Variants in DGKA observed in about 807,000 individuals in gnomAD.
The protein encoded by DGKA is 80 kDa diacylglycerol kinase.
DGKA carries 35 observed loss-of-function variants against 105.0 expected under a neutral mutation model. The ratio of observed to expected loss-of-function variants is 0.33; its 90% CI spans 0.25 to 0.44. The LOEUF is 0.44. Among genes scored for constraint, DGKA ranks in the 20% least tolerant of loss-of-function variants. The probability of loss-of-function intolerance (pLI) is 1.00; values close to 1 mark genes in which losing one functional copy is unlikely to be tolerated. For synonymous variants in DGKA, 296 were observed against 332.0 expected (o/e 0.89, Z 1.18); for missense variants, 665 against 915.0 (o/e 0.73, Z 3.53).
intron 17 of DGKA, among the ~76,000 whole-genome samples, chr12:55,949,144 T>C (rs1887636599): frequency 6.6e-6 from 1 of 152,086 alleles, no homozygotes; most frequent in African/African-American, 2.4e-5. Flanking sequence ...CTATTTACAG[T>C]CATTTTTCTG....
In DGKA at chr12:55,941,535, T is replaced by C. The variant is rs1330979323; in HGVS notation, c.1201T>C (p.Leu401=). Residue 401 remains leucine (L), a synonymous_variant, in exon 15 of 24, where the codon TTA becomes CTA. Coordinates refer to ENST00000331886, the MANE Select transcript of DGKA (RefSeq NM_001345.5). ...QRVLWKFQYI[L]NPRQVFNLLK... is the part of the protein sequence containing the mutation. ...GGTGCTCTGGAAGTTCCAGTATATATTAAACCCTCGACAGGTGTTCAACCT... is the reference window on the plus strand; with the variant it reads ...GGTGCTCTGGAAGTTCCAGTATATACTAAACCCTCGACAGGTGTTCAACCT... 1.2e-6 allele frequency: 2 copies of C among 1,614,048 alleles called. No individual in the cohort carries two copies. The highest frequency in any genetic ancestry group is 1.7e-5 in the Admixed American group (1 of 59,998).
rs1306530192 is a variant in DGKA, at chr12:55,937,516, T to C, written c.247T>C (p.Cys83Arg). The C allele has an allele frequency of 6.2e-7, 1 of 1,614,204 alleles. No homozygotes were observed. Among genetic ancestry groups the C allele is most frequent in the Admixed American group, 1.7e-5 (1 of 60,024 alleles). The change falls in exon 4 of 24, where the codon TGC becomes CGC. Residue 83 changes from cysteine to arginine, a missense_variant. By Grantham distance (180) the Cys-to-Arg change is radical (BLOSUM62 -3). Around this residue, in one of 3 missense-constraint regions of DGKA, gnomAD observed 504 missense variants for 681.2 expected, o/e 0.74. Coordinates refer to ENST00000331886, the MANE Select transcript of DGKA (RefSeq NM_001345.5). ...ALFQSFETGH[C>R]LNETNVTKDV... ...GTTTCAATCCTTTGAGACTGGTCAC[T>C]GCTTAAATGAGACAAATGTGACAAA...
In DGKA at chr12:55,940,566, A is replaced by G. The variant is rs1885707220; in HGVS notation, c.919-58A>G. On this transcript the variant is annotated intron_variant, in intron 11 of 23. Transcript: ENST00000331886. This position sits in a 1 kb window ranked among gnomAD's most constrained non-coding sequence, Gnocchi z 4.3. ...AGGGCTCTTTCCAGCCCAGACTGCC[A>G]GGTTGAGAGGAGACAGGGTTACCTT... 3.2e-6 allele frequency: 5 copies of G among 1,555,072 alleles called. No homozygotes were observed. Among genetic ancestry groups the G allele is most frequent in the Non-Finnish European group, 4.3e-6 (5 of 1,151,450 alleles).
At chr12:55,949,920 C>A (rs1005551840) in intron 17 of DGKA, among the ~76,000 whole-genome samples, 2 of 152,038 alleles carry the variant, frequency 1.3e-5, no homozygotes, top group Admixed American at 1.3e-4. Context: ...TAGGCTCATG[C>A]AATCCTCCCA....
At chr12:55,939,710 G>GT in intron 9 of DGKA, 181 bp downstream of exon 9, 1 of 638,372 alleles carries the variant, frequency 1.6e-6, no homozygotes, top group Non-Finnish European at 2.7e-6. Context: ...TGAAAATGAG[G>GT]TAATTGTGAG....
upstream of DGKA, chr12:55,927,854 G>C: frequency 6.8e-7 from 1 of 1,477,982 alleles, no homozygotes; most frequent in South Asian, 1.3e-5. Context: ...GAAGTGATGA[G>C]GGCCCTAGTT....
rs765799428 is a variant in DGKA at position 55,940,037 on chromosome 12, G to A, written c.710-45G>A. On this transcript the variant is annotated intron_variant, in intron 9 of 23. Transcript: ENST00000331886. The surrounding 1 kb of genome is among the most constrained non-coding windows in gnomAD (Gnocchi z 4.3). Reference sequence around the variant, plus strand: ...CACCCTCAGGTAAGAAGGAAATAGGGGGAGAGGCTCAGCTAAGCCTCCCAA... The same window carrying A: ...CACCCTCAGGTAAGAAGGAAATAGGAGGAGAGGCTCAGCTAAGCCTCCCAA... 1.1e-5 allele frequency: 17 copies of A among 1,510,698 alleles called. No homozygotes were observed. The highest frequency in any genetic ancestry group is 1.5e-5 in the Non-Finnish European group (16 of 1,086,526). 93.6% of individuals were successfully genotyped at this position (1,510,698 alleles called of 1,614,324 possible).
intron 17 of DGKA, among the ~76,000 whole-genome samples, chr12:55,944,407 G>A (rs951282329): frequency 6.6e-6 from 1 of 152,246 alleles, no homozygotes; most frequent in African/African-American, 2.4e-5. Context: ...GATCGAGGCT[G>A]TAGTGAGCCA....
Position 55,940,495 on chromosome 12 carries a change from G to A in DGKA, c.918+62G>A, listed in dbSNP as rs369066057. ...CCCCGCAGAGCTGCCTTCTCCACGG[G>A]CCTCCGGCCACACCTCCTTTACAGG... is the stretch of plus-strand genomic sequence containing the variant. On this transcript the variant is annotated intron_variant, in intron 11 of 23. Transcript: ENST00000331886. This position sits in a 1 kb window ranked among gnomAD's most constrained non-coding sequence, Gnocchi z 4.3. 9.4e-6 allele frequency: 15 copies of A among 1,598,496 alleles called. No individual in the cohort carries two copies. The African/African-American group carries it at 1.7e-4, about 19-fold the overall frequency.
chr12:55,927,657 C>T, upstream of DGKA: 4 of 1,526,708 alleles, frequency 2.6e-6, no homozygotes, highest in Non-Finnish European at 3.5e-6. Context: ...TGCTGTCGGC[C>T]AACCCACTCA....
intron 3 of DGKA, 57 bp downstream of exon 3, chr12:55,937,147 AT>A: frequency 1.3e-6 from 2 of 1,582,592 alleles, no homozygotes. Context: ...TTTGTTTTTG[AT>A]CCCCAACTTC....
At position 55,952,447 on chromosome 12, in the gene DGKA, C is replaced by T. The variant is rs377398010; in HGVS notation, c.1743+16C>T. 188 of 1,610,330 alleles carry T rather than the reference C, an allele frequency of 1.2e-4. No homozygotes were observed. The highest frequency in any genetic ancestry group is 4.0e-4 in the Admixed American group (24 of 59,984). On this transcript the variant is annotated intron_variant, in intron 20 of 23. Coordinates refer to ENST00000331886, the MANE Select transcript of DGKA (RefSeq NM_001345.5). This position sits in a 1 kb window ranked among gnomAD's most constrained non-coding sequence, Gnocchi z 5.1. ...GACAGTTGAGGTGTGTGTAATAAGA[C>T]TTAACCCTACATCCTTTTCAGCTTC...
chr12:55,941,528 G>C lies in DGKA; in HGVS notation c.1194G>C (p.Gln398His). The change falls in exon 15 of 24, where the codon CAG (glutamine) becomes CAC (histidine). Residue 398 changes from glutamine (Q) to histidine (H), a missense_variant. Coordinates refer to ENST00000331886, the MANE Select transcript of DGKA (RefSeq NM_001345.5). The part of the protein sequence containing the change: ...KQGQRVLWKF[Q>H]YILNPRQVFN... ...CACACAGGGTGCTCTGGAAGTTCCA[G>C]TATATATTAAACCCTCGACAGGTGT... 6.2e-7 allele frequency: 1 copy of C among 1,614,138 alleles called. No individual in the cohort carries two copies. The highest frequency in any genetic ancestry group is 8.5e-7 in the Non-Finnish European group (1 of 1,180,046).
upstream of DGKA, chr12:55,927,689 G>A (rs1397005069): frequency 2.0e-6 from 3 of 1,538,312 alleles, no homozygotes; most frequent in Admixed American, 2.0e-5. Context: ...CCCGCGGGAG[G>A]GGCGTGCAAG....
At chr12:55,945,000 A>G (rs933417580) in intron 17 of DGKA, among the ~76,000 whole-genome samples, 6 of 152,132 alleles carry the variant, frequency 3.9e-5, no homozygotes, top group African/African-American at 1.4e-4. Context: ...AGATTTCACC[A>G]TGCTGGCCAG....
chr12:55,936,181 A>C, intron 1 of DGKA: 1 of 527,534 alleles, frequency 1.9e-6, no homozygotes, highest in Non-Finnish European at 2.8e-6. Context: ...GAGAGGGAGA[A>C]GGATCCAGAA....
intron 17 of DGKA, chr12:55,943,370 G>C (rs1482530150): frequency 6.6e-6 from 1 of 151,830 alleles, no homozygotes; most frequent in Non-Finnish European, 1.5e-5. Context: ...CTGCCTCCCA[G>C]GTTCAAGTGA....
intron 17 of DGKA, among the ~76,000 whole-genome samples, chr12:55,950,375 C>T (rs1198010833): frequency 1.6e-4 from 25 of 151,852 alleles, no homozygotes; most frequent in Admixed American, 1.1e-3. Flanking sequence ...GGCGCAATCT[C>T]GGCTCACTGC....
chr12:55,940,652 G>A lies in DGKA; in HGVS notation c.947G>A (p.Gly316Asp), dbSNP rs1885735858. The change falls in exon 12 of 24, where the codon GGC (glycine) becomes GAC (aspartate). Residue 316 changes from glycine (G) to aspartate (D), a missense_variant. Transcript: ENST00000331886. This position sits in a 1 kb window ranked among gnomAD's most constrained non-coding sequence, Gnocchi z 4.3. ...EIHDDCLQAVGHECDCGLLRD... is the reference protein window; with the variant it reads ...EIHDDCLQAVDHECDCGLLRD... ...CACGATGACTGCCTGCAAGCGGTGGGCCATGAGTGTGACTGTGGGCTGCTC... is the reference window on the plus strand; with the variant it reads ...CACGATGACTGCCTGCAAGCGGTGGACCATGAGTGTGACTGTGGGCTGCTC... The A allele has an allele frequency of 1.9e-6, 3 of 1,595,090 alleles. No homozygotes were observed. In the African/African-American group the frequency reaches 4.1e-5, roughly 22 times the overall value.
Sources: gnomAD v4.1 joint callset for allele counts (sites outside exome capture counted in the v4.1 genomes callset) on GRCh38, gnomAD v4.1.1 for gene constraint, gnomAD v4.1.1 regional missense constraint, Gnocchi (gnomAD v3.1) non-coding constraint, MANE v1.5 for transcripts, NCBI Gene and HGNC (gene_info 2026-07-23, HGNC 2026-07-21) for gene names.